Variants in SORBS2 observed in about 807,000 individuals in gnomAD.
SORBS2 encodes the protein sorbin and SH3 domain-containing protein 2.
Under a neutral mutation model 97.7 loss-of-function variants are expected in SORBS2, and 46 were observed. The observed-to-expected ratio is 0.47, with a 90% CI of 0.37 to 0.60. The LOEUF (loss-of-function observed/expected upper bound fraction) is 0.60. Among genes scored for constraint, SORBS2 ranks in the 20% least tolerant of loss-of-function variants. The pLI is 0.00. For missense variants in SORBS2, 1,316 were observed against 1,282.3 expected (o/e 1.03, Z -0.40); for synonymous variants, 476 against 473.4 (o/e 1.01, Z -0.07).
chr4:185,671,299 C>A (rs138067986), intron 4 of SORBS2, among the ~76,000 whole-genome samples: 3 of 152,222 alleles, frequency 2.0e-5, no homozygotes, highest in Admixed American at 2.0e-4. Context: ...GTATTCAGAT[C>A]GGGAATATGG....
chr4:185,765,302 A>G (rs1300153553), intron 2 of SORBS2, among the ~76,000 whole-genome samples: 1 of 152,182 alleles, frequency 6.6e-6, no homozygotes. Context: ...TATATGTTAG[A>G]TAATTCTTAA....
rs756339503 is a variant in SORBS2, at chr4:185,622,987, G to A, written c.2142C>T (p.Arg714=). ...TGTCCACGTCTTGGAAAGAGGCACTGCGGGGCATTCTCCCGCAGTCATTCT... is the reference window on the plus strand; with the variant it reads ...TGTCCACGTCTTGGAAAGAGGCACTACGGGGCATTCTCCCGCAGTCATTCT... Residue 714 remains arginine (R), a synonymous_variant, in exon 7 of 15, where the codon CGC becomes CGT. Transcript: ENST00000418609. 3 of 1,614,036 alleles carry A rather than the reference G, an allele frequency of 1.9e-6. No individual in the cohort carries two copies. In the African/African-American group the frequency reaches 4.0e-5, roughly 22 times the overall value.
chr4:185,598,250 A>C (rs1033728182), intron 12 of SORBS2, among the ~76,000 whole-genome samples: 1 of 152,226 alleles, frequency 6.6e-6, no homozygotes, highest in Non-Finnish European at 1.5e-5. Context: ...AATCCAGTGA[A>C]GCATGCTGCG....
intron 4 of SORBS2, 130 bp downstream of exon 13, chr4:185,646,538 A>T (rs1396161667): frequency 1.6e-6 from 1 of 608,656 alleles, no homozygotes; most frequent in African/African-American, 1.9e-5. Context: ...AAATCATTAT[A>T]CAAAATAAAC....
chr4:185,928,173 A>G (rs1158422144), intron 1 of SORBS2, among the ~76,000 whole-genome samples: 1 of 152,210 alleles, frequency 6.6e-6, no homozygotes, highest in African/African-American at 2.4e-5. Context: ...TGGGGGACCA[A>G]AGTGGAAGGA....
intron 1 of SORBS2, among the ~76,000 whole-genome samples, chr4:185,879,560 G>T (rs1561262655): frequency 6.6e-6 from 1 of 152,146 alleles, no homozygotes; most frequent in Non-Finnish European, 1.5e-5. Flanking sequence ...GGGTCAAATG[G>T]TATTTCTAGT....
At chr4:185,812,486 G>A (rs992495596) in intron 1 of SORBS2, among the ~76,000 whole-genome samples, 2 of 152,222 alleles carry the variant, frequency 1.3e-5, no homozygotes, top group African/African-American at 4.8e-5. Flanking sequence ...CCGGGGCTAT[G>A]TATGAAATCG....
chr4:185,796,332 C>T (rs187852409), intron 1 of SORBS2, among the ~76,000 whole-genome samples: 3 of 152,374 alleles, frequency 2.0e-5, no homozygotes, highest in Admixed American at 2.0e-4. Context: ...GCCCTGCCAT[C>T]TGGCTCTGGT....
In SORBS2 at chr4:185,607,079, G is replaced by A. The variant is rs1210436934; in HGVS notation, c.2796+4701C>T. Reference sequence around the variant, plus strand: ...GGTGCAGTCGCTGGGGACAATGGGAGGAGGACAGCAGGTTCCTCCTTAATT... The same window carrying A: ...GGTGCAGTCGCTGGGGACAATGGGAAGAGGACAGCAGGTTCCTCCTTAATT... On this transcript the variant is annotated intron_variant, in intron 12 of 14. Coordinates refer to ENST00000418609, the Ensembl canonical transcript of SORBS2. This position sits in a 1 kb window ranked among gnomAD's most constrained non-coding sequence, Gnocchi z 5.2. 3 of 1,045,980 alleles carry A rather than the reference G, an allele frequency of 2.9e-6. No homozygotes were observed. The highest frequency in any genetic ancestry group is 3.5e-6 in the Non-Finnish European group (3 of 865,640). 64.8% of individuals were successfully genotyped at this position (1,045,980 alleles called of 1,614,324 possible). A position where few individuals can be genotyped will look rare whatever the true frequency, so the allele number is the denominator to read the frequency against.
At chr4:185,844,132 C>T (rs2099213131) in intron 1 of SORBS2, among the ~76,000 whole-genome samples, 2 of 152,134 alleles carry the variant, frequency 1.3e-5, no homozygotes, top group South Asian at 2.1e-4. Context: ...GACAGTCTTG[C>T]TAAACAAAGA....
At position 185,895,195 on chromosome 4, in the gene SORBS2, G is replaced by A. The variant is rs547279771; in HGVS notation, c.-338+61001C>T. Reference sequence around the variant, plus strand: ...GCCTACCTCTCTTATGAGTGACAGGGCAAGCCCTGATGCCACTGAAGCAAC... The same window carrying A: ...GCCTACCTCTCTTATGAGTGACAGGACAAGCCCTGATGCCACTGAAGCAAC... On this transcript the variant is annotated intron_variant, in intron 1 of 20. Transcript: ENST00000284776. 1.3e-4 allele frequency among the ~76,000 whole-genome samples: 20 copies of A among 152,342 alleles called. No homozygotes were observed. The East Asian group carries it at 3.9e-3, about 29-fold the overall frequency.
chr4:185,751,190 A>AAAAAAAAACAG, intron 2 of SORBS2, among the ~76,000 whole-genome samples: 1 of 86,426 alleles, frequency 1.2e-5, no homozygotes, highest in Non-Finnish European at 2.5e-5. Context: ...AAAAAAAAAA[A>AAAAAAAAACAG]AGAGAAAGAG....
rs1422804962 is a variant in SORBS2 at position 185,684,893 on chromosome 4, G to A, written c.-197-6071C>T. 7.2e-6 allele frequency: 10 copies of A among 1,393,950 alleles called. No homozygotes were observed. Among genetic ancestry groups the A allele is most frequent in the African/African-American group, 2.9e-5 (2 of 69,986 alleles). 86.3% of individuals were successfully genotyped at this position (1,393,950 alleles called of 1,614,324 possible). On this transcript the variant is annotated intron_variant, in intron 2 of 20. Coordinates refer to the SORBS2 transcript ENST00000284776. This position sits in a 1 kb window ranked among gnomAD's most constrained non-coding sequence, Gnocchi z 4.2. Reference sequence around the variant, plus strand: ...AGCAGAGGCCAAGGCAACGGGAAAAGCACGTGCAATATCATGCGTTTTAAG... The same window carrying A: ...AGCAGAGGCCAAGGCAACGGGAAAAACACGTGCAATATCATGCGTTTTAAG...
chr4:185,597,413 T>A (rs1043611258), intron 12 of SORBS2, among the ~76,000 whole-genome samples: 1 of 152,090 alleles, frequency 6.6e-6, no homozygotes, highest in East Asian at 1.9e-4. Context: ...TTCTCATGTG[T>A]CTCGGTCACG....
intron 2 of SORBS2, among the ~76,000 whole-genome samples, chr4:185,682,653 T>C (rs2097888265): frequency 6.6e-6 from 1 of 152,250 alleles, no homozygotes; most frequent in Admixed American, 6.5e-5. Flanking sequence ...TTATGAAAGC[T>C]ACATAGAATG....
intron 2 of SORBS2, among the ~76,000 whole-genome samples, chr4:185,691,969 G>A (rs563908950): frequency 3.4e-4 from 52 of 152,314 alleles, no homozygotes; most frequent in South Asian, 1.7e-3. Flanking sequence ...GGATGGCTAC[G>A]ATCTCCTGAC....
At chr4:185,912,585 CAAAAAAAAAAAAAA>C (rs60906233) in intron 1 of SORBS2, among the ~76,000 whole-genome samples, 1 of 64,372 alleles carries the variant, frequency 1.6e-5, no homozygotes, top group African/African-American at 6.4e-5. Flanking sequence ...AACTCCATCT[CAAAAAAAAAAAAAA>C]AAAAAAAAAA....
chr4:185,597,310 T>C (rs1268632661), intron 12 of SORBS2, among the ~76,000 whole-genome samples: 2 of 152,192 alleles, frequency 1.3e-5, no homozygotes, highest in African/African-American at 2.4e-5. Flanking sequence ...CCATGAAGGA[T>C]ACACATTTCC....
chr4:185,882,184 G>A (rs561269815), intron 1 of SORBS2, among the ~76,000 whole-genome samples: 7 of 152,276 alleles, frequency 4.6e-5, no homozygotes, highest in Admixed American at 4.6e-4. Flanking sequence ...TAATATGATT[G>A]TCTGCATAGA....
Sources: gnomAD v4.1 joint callset for allele counts (sites outside exome capture counted in the v4.1 genomes callset) on GRCh38, gnomAD v4.1.1 for gene constraint, Gnocchi (gnomAD v3.1) non-coding constraint, MANE v1.5 for transcripts, NCBI Gene and HGNC (gene_info 2026-07-23, HGNC 2026-07-21) for gene names.